Variants in MINDY4 observed in about 807,000 individuals in gnomAD.
The protein encoded by MINDY4 is MINDY lysine 48 deubiquitinase 4.
MINDY4 carries 68 observed loss-of-function variants against 87.0 expected under a neutral mutation model. The observed-to-expected ratio is 0.78, with a 90% CI of 0.64 to 0.96. The LOEUF is 0.96. Among genes scored for constraint, MINDY4 ranks in the 40% least tolerant of loss-of-function variants. MINDY4 has a pLI of 0.00. For synonymous variants in MINDY4, 379 were observed against 363.2 expected, an observed-to-expected ratio of 1.04 and a Z score of -0.50; for missense variants, 919 against 928.2, an observed-to-expected ratio of 0.99 and a Z score of 0.13.
chr7:30,784,235 A>G (rs1787087401), intron 3 of MINDY4, among the ~76,000 whole-genome samples: 1 of 152,146 alleles, frequency 6.6e-6, no homozygotes, highest in Non-Finnish European at 1.5e-5. Flanking sequence ...GGCAACTAGG[A>G]AGTTGAAGCT....
chr7:30,889,792 T>TTG (rs1201665888), intron 17 of MINDY4, among the ~76,000 whole-genome samples: 2 of 152,148 alleles, frequency 1.3e-5, no homozygotes, highest in African/African-American at 4.8e-5. Context: ...GGAGGTGGGG[T>TTG]TGTGGATGAA....
chr7:30,822,263 C>T (rs1008973405), intron 5 of MINDY4, among the ~76,000 whole-genome samples: 15 of 151,846 alleles, frequency 9.9e-5, no homozygotes, highest in African/African-American at 4.8e-5. Flanking sequence ...CTGTCACCTC[C>T]GTTTCCCAGA....
At chr7:30,804,180 C>G (rs904278623) in intron 5 of MINDY4, among the ~76,000 whole-genome samples, 1 of 152,178 alleles carries the variant, frequency 6.6e-6, no homozygotes, top group African/African-American at 2.4e-5. Context: ...CCTCAAATCA[C>G]AAAGATGATC....
intron 6 of MINDY4, among the ~76,000 whole-genome samples, chr7:30,833,564 C>A (rs1487757796): frequency 6.6e-6 from 1 of 152,120 alleles, no homozygotes; most frequent in African/African-American, 2.4e-5. Context: ...TGCCCCTAGC[C>A]CCTCCCAAAT....
At position 30,882,910 on chromosome 7, in the gene MINDY4, C is replaced by T. The variant is rs368931883; in HGVS notation, c.2153-11C>T. 8 of 1,613,736 alleles carry T rather than the reference C, an allele frequency of 5.0e-6. No individual in the cohort carries two copies. The highest frequency in any genetic ancestry group is 5.9e-6 in the Non-Finnish European group (7 of 1,179,792). ...TGGGTGACATGTGTGTGCCTCTCTC[C>T]TCCTTCCCAGACACCACCCAAACCA... On this transcript the variant is annotated splice_polypyrimidine_tract_variant and intron_variant, in intron 16 of 17. Transcript: ENST00000265299.
intron 5 of MINDY4, among the ~76,000 whole-genome samples, chr7:30,797,184 G>A (rs1020452883): frequency 2.6e-5 from 4 of 152,158 alleles, no homozygotes; most frequent in Admixed American, 6.5e-5. Context: ...CACCACCTGC[G>A]ATGGCCTACT....
chr7:30,879,600 C>T (rs1040846670), intron 15 of MINDY4, among the ~76,000 whole-genome samples: 1 of 152,240 alleles, frequency 6.6e-6, no homozygotes, highest in Non-Finnish European at 1.5e-5. Context: ...CTCTCTCCCA[C>T]CTCCTGGCCT....
chr7:30,866,501 C>T (rs919957009), intron 13 of MINDY4, among the ~76,000 whole-genome samples: 2 of 152,148 alleles, frequency 1.3e-5, no homozygotes, highest in African/African-American at 2.4e-5. Context: ...CCTGCGGGGT[C>T]TGGAGACCAG....
intron 17 of MINDY4, among the ~76,000 whole-genome samples, chr7:30,887,707 TCCA>T (rs1207092350): frequency 1.3e-5 from 2 of 152,186 alleles, no homozygotes; most frequent in African/African-American, 4.8e-5. Flanking sequence ...ACCTGCCACC[TCCA>T]CCTGGAGCCC....
intron 5 of MINDY4, among the ~76,000 whole-genome samples, chr7:30,813,831 A>G (rs1788076488): frequency 6.6e-6 from 1 of 152,250 alleles, no homozygotes; most frequent in African/African-American, 2.4e-5. Context: ...TCCTTCTTCT[A>G]AAAATGCCCA....
chr7:30,874,121 A>G (rs1049201201), intron 14 of MINDY4, among the ~76,000 whole-genome samples: 1 of 152,240 alleles, frequency 6.6e-6, no homozygotes, highest in Admixed American at 6.5e-5. Context: ...GGCCATTCCT[A>G]CGTGCTCCAC....
rs141010224 is a variant in MINDY4, at chr7:30,825,766, C to T, written c.1074-2913C>T. 4.7e-3 allele frequency among the ~76,000 whole-genome samples: 715 copies of T among 152,308 alleles called. 6 individuals carry two copies. Among genetic ancestry groups the T allele is most frequent in the Admixed American group, 7.3e-3 (112 of 15,292 alleles). ...GAGGAGACCAAGAGAATACTGCAGT[C>T]GTTTCTTCTTCCTTGCTTATAACTG... is the stretch of plus-strand genomic sequence containing the variant. On this transcript the variant is annotated intron_variant, in intron 5 of 17. Transcript: ENST00000265299.
At chr7:30,891,708 G>A (rs1286110765) in intron 17 of MINDY4, among the ~76,000 whole-genome samples, 1 of 152,172 alleles carries the variant, frequency 6.6e-6, no homozygotes, top group Non-Finnish European at 1.5e-5. Flanking sequence ...GTAGGTTGTG[G>A]CACAAAAGAA....
chr7:30,830,691 G>A (rs1788675853), intron 6 of MINDY4, among the ~76,000 whole-genome samples: 2 of 152,154 alleles, frequency 1.3e-5, no homozygotes, highest in African/African-American at 4.8e-5. Context: ...ATGACATGTG[G>A]GGATGATGGG....
chr7:30,869,757 A>G (rs1485059772), intron 13 of MINDY4, among the ~76,000 whole-genome samples: 3 of 152,158 alleles, frequency 2.0e-5, no homozygotes, highest in South Asian at 2.1e-4. Flanking sequence ...GGACTTCAAC[A>G]TATGAATTTT....
chr7:30,787,256 T>C (rs1787184187), intron 4 of MINDY4, among the ~76,000 whole-genome samples: 1 of 152,226 alleles, frequency 6.6e-6, no homozygotes, highest in Non-Finnish European at 1.5e-5. Flanking sequence ...TTCCCGCCAC[T>C]GTGTAGTTCA....
chr7:30,875,454 A>T (rs753732609), intron 14 of MINDY4, 41 bp from the exon 15 acceptor site: 2 of 1,610,356 alleles, frequency 1.2e-6, no homozygotes, highest in East Asian at 4.5e-5. Flanking sequence ...TCAGTAACTG[A>T]TTCAGACTTG....
In MINDY4 at chr7:30,892,104, C is replaced by T; in HGVS notation, c.*99C>T. ...CCTCTGGGGCAGGTCTCATGTACCC[C>T]AACCTGGGTCAGCATGACTGCAGAA... On this transcript the variant is annotated 3_prime_UTR_variant, in exon 18 of 18. Transcript: ENST00000265299. The T allele has an allele frequency of 2.3e-6, 3 of 1,320,886 alleles. No individual in the cohort carries two copies. The East Asian group carries it at 6.9e-5, about 30-fold the overall frequency. The allele number at this position is 1,320,886 out of a possible 1,614,324, so 81.8% of individuals were successfully genotyped here.
rs1242475772 is a variant in MINDY4, at chr7:30,839,335, T to C, written c.1356+19T>C. On this transcript the variant is annotated intron_variant, in intron 8 of 17. Coordinates refer to ENST00000265299, the MANE Select transcript of MINDY4 (RefSeq NM_032222.3). The stretch of plus-strand genomic sequence containing the variant: ...GAACAAGGCAGGTTGCTCCTAGGTT[T>C]CCTTGGGACCTTTCTGCTGGGCCAT... The C allele has an allele frequency of 1.3e-6, 2 of 1,504,756 alleles. No homozygotes were observed. The highest frequency in any genetic ancestry group is 1.8e-6 in the Non-Finnish European group (2 of 1,101,544). 93.2% of individuals were successfully genotyped at this position (1,504,756 alleles called of 1,614,324 possible).
Sources: gnomAD v4.1 joint callset for allele counts (sites outside exome capture counted in the v4.1 genomes callset) on GRCh38, gnomAD v4.1.1 for gene constraint, MANE v1.5 for transcripts, NCBI Gene and HGNC (gene_info 2026-07-23, HGNC 2026-07-21) for gene names.